The following APBA1 variants were observed in gnomAD, a reference collection of about 807,000 sequenced individuals.
The protein encoded by APBA1 is amyloid beta precursor protein binding family A member 1, also known as amyloid-beta A4 precursor protein-binding family A member 1.
Under a neutral mutation model 86.6 loss-of-function variants are expected in APBA1, and 55 were observed. That is an observed-to-expected ratio of 0.64 (90% confidence interval 0.51 to 0.80). The LOEUF is 0.80. Ranked by LOEUF, APBA1 falls within the 30% of genes least tolerant of loss-of-function variation. APBA1 has a pLI of 0.00. For missense variants in APBA1, 1,090 were observed against 1,183.0 expected (o/e 0.92, Z 1.15); for synonymous variants, 511 against 493.9 (o/e 1.03, Z -0.46).
intron 1 of APBA1, among the ~76,000 whole-genome samples, chr9:69,662,598 A>G (rs544368261): frequency 1.3e-5 from 2 of 152,240 alleles, no homozygotes; most frequent in East Asian, 3.8e-4. Context: ...AATGATTCTT[A>G]TATTTTCAAG....
At chr9:69,539,720 A>G (rs143970508) in intron 1 of APBA1, among the ~76,000 whole-genome samples, 1 of 152,302 alleles carries the variant, frequency 6.6e-6, no homozygotes, top group Non-Finnish European at 1.5e-5. Flanking sequence ...ACTCCATGAA[A>G]TGACAATACC....
intron 1 of APBA1, among the ~76,000 whole-genome samples, chr9:69,638,131 T>A (rs1036323092): frequency 1.3e-5 from 2 of 152,256 alleles, no homozygotes; most frequent in Non-Finnish European, 1.5e-5. Flanking sequence ...TCAAGAGATA[T>A]GTTGCTAAAG....
chr9:69,524,274 C>T (rs760701719), intron 1 of APBA1, among the ~76,000 whole-genome samples: 10 of 151,942 alleles, frequency 6.6e-5, no homozygotes, highest in Non-Finnish European at 1.3e-4. Context: ...AAAATCTATA[C>T]ATAGAATCAG....
intron 5 of APBA1, among the ~76,000 whole-genome samples, chr9:69,458,598 T>G (rs560871147): frequency 3.3e-5 from 5 of 152,344 alleles, no homozygotes; most frequent in Non-Finnish European, 5.9e-5. Context: ...AAATTATGGC[T>G]TTTCAAACTT....
intron 1 of APBA1, among the ~76,000 whole-genome samples, chr9:69,543,078 C>T (rs1836640358): frequency 6.6e-6 from 1 of 152,220 alleles, no homozygotes. Flanking sequence ...CCTCTCAAGA[C>T]CAAAATCTTC....
intron 1 of APBA1, among the ~76,000 whole-genome samples, chr9:69,550,838 G>A (rs902511150): frequency 6.6e-6 from 1 of 152,144 alleles, no homozygotes; most frequent in African/African-American, 2.4e-5. Context: ...TGGGAGCAAA[G>A]AGGAGCATCA....
At chr9:69,649,050 A>G (rs972171135) in intron 1 of APBA1, among the ~76,000 whole-genome samples, 5 of 151,990 alleles carry the variant, frequency 3.3e-5, no homozygotes, top group African/African-American at 4.8e-5. Context: ...TATCCAACCT[A>G]TCCCCAAGTC....
At chr9:69,658,284 C>CTTTCTTTCTTTCTT (rs370230255) in intron 1 of APBA1, among the ~76,000 whole-genome samples, 6,264 of 75,330 alleles carry the variant, frequency 0.083, 646 homozygotes, top group Non-Finnish European at 0.11. Context: ...TTCTTTCTTT[C>CTTTCTTTCTTTCTT]TCTCTCTCTT....
chr9:69,541,626 A>G (rs1247597696), intron 1 of APBA1, among the ~76,000 whole-genome samples: 1 of 150,274 alleles, frequency 6.7e-6, no homozygotes, highest in African/African-American at 2.5e-5. Flanking sequence ...AGAAATCTCT[A>G]TTTTAAAAGA....
At chr9:69,641,893 T>C (rs1259486756) in intron 1 of APBA1, among the ~76,000 whole-genome samples, 2 of 152,234 alleles carry the variant, frequency 1.3e-5, no homozygotes, top group Non-Finnish European at 2.9e-5. Context: ...TCATCCAGGC[T>C]GGAGTGCCGT....
At chr9:69,534,456 C>T (rs867722271) in intron 1 of APBA1, among the ~76,000 whole-genome samples, 91 of 152,218 alleles carry the variant, frequency 6.0e-4, no homozygotes, top group African/African-American at 2.1e-3. Flanking sequence ...CGGAGGACTC[C>T]GAGACCCAAA....
intron 2 of APBA1, among the ~76,000 whole-genome samples, chr9:69,489,026 A>T (rs1835657176): frequency 6.6e-6 from 1 of 152,146 alleles, no homozygotes; most frequent in Admixed American, 6.5e-5. Flanking sequence ...GGATAGGAAG[A>T]ATCAATATCA....
rs796445312 is a variant in APBA1 at position 69,540,490 on chromosome 9, C to A, written c.-69-23211G>T. ...GGATCTCTAGAATTTACTCATCTTG[C>A]ACAACCAAAACTTTATACCTGTTGA... On this transcript the variant is annotated intron_variant, in intron 1 of 12. Transcript: ENST00000265381. Among the ~76,000 whole-genome samples, 8 of 152,276 alleles carry A rather than the reference C, an allele frequency of 5.3e-5. No homozygotes were observed. In the East Asian group the frequency reaches 1.2e-3, roughly 22 times the overall value.
rs34042173 is a variant in APBA1 at position 69,524,582 on chromosome 9, C to CAA, written c.-69-7305_-69-7304dup. On this transcript the variant is annotated intron_variant, in intron 1 of 12. Transcript: ENST00000265381. The stretch of plus-strand genomic sequence containing the variant: ...AAGTTCCAAAACTGAATCAGTAATA[C>CAA]AAAAAAAAACAAAAACCTACCAACT... 2.9e-3 allele frequency among the ~76,000 whole-genome samples: 420 copies of CAA among 144,314 alleles called. 3 individuals carry two copies. The highest frequency in any genetic ancestry group is 0.01 in the African/African-American group (395 of 39,116). The allele number at this position is 144,314 out of a possible 152,430, so 94.7% of individuals were successfully genotyped here.
intron 2 of APBA1, among the ~76,000 whole-genome samples, chr9:69,493,077 G>T (rs988248787): frequency 6.6e-6 from 1 of 151,998 alleles, no homozygotes. Flanking sequence ...AAGAGCTCAT[G>T]AACTTCTTCA....
intron 11 of APBA1, among the ~76,000 whole-genome samples, chr9:69,434,477 G>C (rs1190410928): frequency 6.6e-6 from 1 of 152,098 alleles, no homozygotes; most frequent in Non-Finnish European, 1.5e-5. Context: ...GGGAGGCAGA[G>C]GCAGGTGGAT....
chr9:69,600,178 C>T (rs980274304), intron 1 of APBA1, among the ~76,000 whole-genome samples: 1 of 152,164 alleles, frequency 6.6e-6, no homozygotes, highest in Non-Finnish European at 1.5e-5. Context: ...CCTCTCTCTG[C>T]CTTCAAGGAA....
At chr9:69,554,986 A>G (rs1255529449) in intron 1 of APBA1, among the ~76,000 whole-genome samples, 2 of 152,226 alleles carry the variant, frequency 1.3e-5, no homozygotes, top group Admixed American at 1.3e-4. Context: ...AGAGAGCTGG[A>G]GCACAACTGA....
intron 2 of APBA1, among the ~76,000 whole-genome samples, chr9:69,481,291 T>C (rs2133844517): frequency 6.6e-6 from 1 of 152,072 alleles, no homozygotes; most frequent in East Asian, 1.9e-4. Flanking sequence ...GGATACAAAA[T>C]CAATGTGCAA....
Sources: gnomAD v4.1 joint callset for allele counts (sites outside exome capture counted in the v4.1 genomes callset) on GRCh38, gnomAD v4.1.1 for gene constraint, MANE v1.5 for transcripts, NCBI Gene and HGNC (gene_info 2026-07-23, HGNC 2026-07-21) for gene names.